Variants in CC2D2B observed in about 807,000 individuals in gnomAD.
The protein encoded by CC2D2B is coiled-coil and C2 domain containing 2B, also known as protein CC2D2B.
A neutral mutation model predicts 161.2 loss-of-function variants in CC2D2B; 128 were observed. That is an observed-to-expected ratio of 0.79 (90% confidence interval 0.69 to 0.92). The LOEUF (loss-of-function observed/expected upper bound fraction) is 0.92, where lower values mean the gene tolerates loss of function less well. Among genes scored for constraint, CC2D2B ranks in the 40% least tolerant of loss-of-function variants. The pLI is 0.00. For synonymous variants in CC2D2B, 391 were observed against 449.8 expected (o/e 0.87, Z 1.65); for missense variants, 1,173 against 1,375.1 (o/e 0.85, Z 2.32).
intron 9 of CC2D2B, among the ~76,000 whole-genome samples, chr10:95,947,761 A>C (rs2076273529): frequency 6.6e-6 from 1 of 152,122 alleles, no homozygotes; most frequent in African/African-American, 2.4e-5. Context: ...AAATAAAAAA[A>C]AAAAAAGATG....
Position 95,924,522 on chromosome 10 carries a change from T to C in CC2D2B, c.174+132T>C, listed in dbSNP as rs1317724221. On this transcript the variant is annotated intron_variant, in intron 4 of 34. Transcript: ENST00000646931. ...CTCCTTAATTCCTAAAGTCTTCCTC[T>C]CTCTCTCTATATATATATTTTCCTT... 9 of 563,574 alleles carry C rather than the reference T, an allele frequency of 1.6e-5. No individual in the cohort carries two copies. The East Asian group carries it at 2.3e-4, about 14-fold the overall frequency. 34.9% of individuals were successfully genotyped at this position (563,574 alleles called of 1,614,324 possible). A position where few individuals can be genotyped will look rare whatever the true frequency, so the allele number is the denominator to read the frequency against.
chr10:95,984,463 T>G (rs981761581), intron 19 of CC2D2B: 1 of 152,094 alleles, frequency 6.6e-6, no homozygotes, highest in Admixed American at 6.6e-5. Context: ...ATGCTTAAAG[T>G]GTCATCATGA....
intron 25 of CC2D2B, among the ~76,000 whole-genome samples, chr10:96,008,116 T>C (rs1210851425): frequency 6.6e-6 from 1 of 151,642 alleles, no homozygotes; most frequent in Non-Finnish European, 1.5e-5. Context: ...TCTGTCACTA[T>C]CGTTTCTATT....
In CC2D2B at chr10:96,032,618, C is replaced by T. The variant is rs2080100543; in HGVS notation, c.*610C>T. The T allele has an allele frequency of 1.8e-5, 6 of 338,924 alleles. No individual in the cohort carries two copies. The highest frequency in any genetic ancestry group is 1.5e-4 in the South Asian group (6 of 38,912). 21.0% of individuals were successfully genotyped at this position (338,924 alleles called of 1,614,324 possible). A position where few individuals can be genotyped will look rare whatever the true frequency, so the allele number is the denominator to read the frequency against. ...TCGAGTGGAAAACTAAGGTCATTGCCTCTCATGGATAAAATGTTATTTCAC... is the reference window on the plus strand; with the variant it reads ...TCGAGTGGAAAACTAAGGTCATTGCTTCTCATGGATAAAATGTTATTTCAC... On this transcript the variant is annotated 3_prime_UTR_variant, in exon 35 of 35. Transcript: ENST00000646931.
At position 96,027,175 on chromosome 10, in the gene CC2D2B, AACT is replaced by A. The variant is rs2079820863; in HGVS notation, c.3948-36_3948-34del. 2.1e-6 allele frequency: 3 copies of A among 1,399,850 alleles called. No homozygotes were observed. In the East Asian group the frequency reaches 7.8e-5, roughly 36 times the overall value. The allele number at this position is 1,399,850 out of a possible 1,614,324, so 86.7% of individuals were successfully genotyped here. A position where few individuals can be genotyped will look rare whatever the true frequency, so the allele number is the denominator to read the frequency against. ...TTATTATATTTACCAAATGAGTTATAACTTGTCATAAAATTACCTTTGGATTCT... is the reference window on the plus strand; with the variant it reads ...TTATTATATTTACCAAATGAGTTATATGTCATAAAATTACCTTTGGATTCT... On this transcript the variant is annotated intron_variant, in intron 33 of 34. Coordinates refer to ENST00000646931, the MANE Select transcript of CC2D2B (RefSeq NM_001349008.3).
intron 3 of CC2D2B, 28 bp downstream of exon 3, chr10:95,922,104 A>T: frequency 8.5e-7 from 1 of 1,173,288 alleles, no homozygotes; most frequent in Non-Finnish European, 1.2e-6. Context: ...CATAACTCTG[A>T]TACTCTTCAT....
intron 9 of CC2D2B, among the ~76,000 whole-genome samples, chr10:95,940,261 C>T (rs953416734): frequency 2.0e-5 from 3 of 152,156 alleles, no homozygotes; most frequent in Admixed American, 1.3e-4. Context: ...GACCCACCCC[C>T]ATGATCCAAT....
chr10:95,969,400 C>T (rs954568742), intron 15 of CC2D2B, among the ~76,000 whole-genome samples: 2 of 151,650 alleles, frequency 1.3e-5, no homozygotes, highest in Non-Finnish European at 1.5e-5. Context: ...CTGTAAGAAC[C>T]CCCACACTAA....
At chr10:95,924,280 T>C in intron 3 of CC2D2B, 34 bp from the exon 4 acceptor site, 1 of 1,151,792 alleles carries the variant, frequency 8.7e-7, no homozygotes, top group Non-Finnish European at 1.2e-6. Flanking sequence ...TAATAAAGTG[T>C]CATAAACTCT....
At chr10:95,929,228 G>T (rs138593770) in intron 6 of CC2D2B, among the ~76,000 whole-genome samples, 2 of 151,952 alleles carry the variant, frequency 1.3e-5, no homozygotes, top group African/African-American at 2.4e-5. Context: ...CATATCCTTC[G>T]CTCACTTTTT....
intron 33 of CC2D2B, among the ~76,000 whole-genome samples, chr10:96,025,917 C>G (rs76141687): frequency 0.05 from 7,657 of 152,262 alleles, 611 homozygotes; most frequent in African/African-American, 0.17. Flanking sequence ...CCCAGCCCCC[C>G]AGCTGTCATT....
chr10:95,916,275 T>C (rs2141125571), intron 2 of CC2D2B, among the ~76,000 whole-genome samples: 1 of 152,242 alleles, frequency 6.6e-6, no homozygotes, highest in Admixed American at 6.5e-5. Context: ...ATTTTATTTA[T>C]TTGGGTTTTC....
chr10:96,032,837 C>G lies in CC2D2B; in HGVS notation c.*829C>G, dbSNP rs908433794. 6.4e-6 allele frequency: 3 copies of G among 466,252 alleles called. No individual in the cohort carries two copies. The highest frequency in any genetic ancestry group is 2.0e-5 in the African/African-American group (1 of 49,748). 28.9% of individuals were successfully genotyped at this position (466,252 alleles called of 1,614,324 possible). ...AATGGTCTTGACAAATCTCAGGACT[C>G]TTTTTTTCCTTAGTGAGCAGCCCCC... On this transcript the variant is annotated 3_prime_UTR_variant, in exon 35 of 35. Transcript: ENST00000646931.
chr10:95,973,128 C>A (rs1239444915), intron 16 of CC2D2B, among the ~76,000 whole-genome samples: 3 of 145,838 alleles, frequency 2.1e-5, no homozygotes, highest in East Asian at 4.0e-4. Flanking sequence ...GAAGTATGAA[C>A]AAGTGAGCAA....
chr10:95,938,951 T>C, intron 9 of CC2D2B, 26 bp downstream of exon 9: 1 of 665,136 alleles, frequency 1.5e-6, no homozygotes, highest in Admixed American at 2.7e-5. Context: ...TTATTTGTAA[T>C]TATGGTTAAA....
chr10:95,953,373 T>A (rs114693546), intron 10 of CC2D2B, among the ~76,000 whole-genome samples: 2,836 of 152,202 alleles, frequency 0.019, 36 homozygotes, highest in Middle Eastern at 0.054. Flanking sequence ...GGGTCATTTT[T>A]AAAAAAATTT....
At chr10:95,953,024 G>A (rs1472568305) in intron 10 of CC2D2B, among the ~76,000 whole-genome samples, 2 of 151,956 alleles carry the variant, frequency 1.3e-5, no homozygotes, top group Non-Finnish European at 2.9e-5. Flanking sequence ...ACTTCCCAGA[G>A]CCTTCACCAA....
At chr10:95,930,434 T>G (rs2098547963) in intron 6 of CC2D2B, among the ~76,000 whole-genome samples, 1 of 152,220 alleles carries the variant, frequency 6.6e-6, no homozygotes, top group African/African-American at 2.4e-5. Flanking sequence ...AATACTATGT[T>G]GAATAGGAGT....
chr10:95,984,586 C>A (rs899581503), intron 19 of CC2D2B: 1 of 151,952 alleles, frequency 6.6e-6, no homozygotes, highest in African/African-American at 2.4e-5. Context: ...TTTAAAATTT[C>A]TTTTTTTCAG....
Sources: allele counts gnomAD v4.1 joint callset (sites outside exome capture counted in the v4.1 genomes callset), GRCh38; gene constraint gnomAD v4.1.1; transcripts MANE v1.5; gene names NCBI Gene and HGNC (gene_info 2026-07-23, HGNC 2026-07-21).